The following ADGRB3 variants were observed in gnomAD, a reference collection of about 807,000 sequenced individuals.
The protein encoded by ADGRB3 is adhesion G protein-coupled receptor B3.
In ADGRB3, 37 loss-of-function variants were observed where a neutral mutation model predicts 193.4. That is an observed-to-expected ratio of 0.19 (90% confidence interval 0.15 to 0.25). ADGRB3 has a LOEUF of 0.25. Among genes scored for constraint, ADGRB3 ranks in the 10% least tolerant of loss-of-function variants. The pLI is 1.00. For synonymous variants in ADGRB3, 690 were observed against 644.2 expected, an observed-to-expected ratio of 1.07 and a Z score of -1.08; for missense variants, 1,637 against 1,852.9, an observed-to-expected ratio of 0.88 and a Z score of 2.14.
intron 3 of ADGRB3, among the ~76,000 whole-genome samples, chr6:68,888,274 T>C (rs551498438): frequency 1.3e-5 from 2 of 152,294 alleles, no homozygotes; most frequent in East Asian, 3.9e-4. Flanking sequence ...CAGTGACTTA[T>C]TAATGCAGTT....
intron 6 of ADGRB3, among the ~76,000 whole-genome samples, chr6:68,951,440 T>C (rs1321357630): frequency 6.6e-6 from 1 of 152,118 alleles, no homozygotes. Context: ...CTCTGGTTTA[T>C]TCATTTACTC....
intron 8 of ADGRB3, among the ~76,000 whole-genome samples, chr6:68,966,633 A>G (rs1237178562): frequency 6.6e-6 from 1 of 151,570 alleles, no homozygotes. Context: ...CCACTGACAC[A>G]CTCTTCCCTA....
intron 3 of ADGRB3, among the ~76,000 whole-genome samples, chr6:68,760,215 A>T (rs1766371683): frequency 6.6e-6 from 1 of 152,142 alleles, no homozygotes; most frequent in Non-Finnish European, 1.5e-5. Flanking sequence ...GATGGAGGTA[A>T]ACATTTAGAA....
chr6:68,643,098 T>A (rs1240274004), intron 3 of ADGRB3, among the ~76,000 whole-genome samples: 1 of 152,202 alleles, frequency 6.6e-6, no homozygotes, highest in Non-Finnish European at 1.5e-5. Flanking sequence ...GGAATCTTTG[T>A]TTCTTACTGA....
At chr6:69,372,158 T>G (rs1005341299) in intron 29 of ADGRB3, among the ~76,000 whole-genome samples, 5 of 152,058 alleles carry the variant, frequency 3.3e-5, no homozygotes, top group African/African-American at 9.7e-5. Flanking sequence ...ATGAGAAATA[T>G]TCTGTATTTT....
intron 3 of ADGRB3, among the ~76,000 whole-genome samples, chr6:68,866,711 G>A (rs1356489177): frequency 6.6e-6 from 1 of 152,162 alleles, no homozygotes; most frequent in Non-Finnish European, 1.5e-5. Context: ...GACTGAGATA[G>A]TCTCAGATGG....
chr6:68,677,953 T>G (rs1039403900), intron 3 of ADGRB3, among the ~76,000 whole-genome samples: 6 of 151,966 alleles, frequency 3.9e-5, no homozygotes, highest in Non-Finnish European at 8.8e-5. Flanking sequence ...ATTCATGAAT[T>G]TTTTTTTAAT....
chr6:69,309,991 T>C (rs1768149903), intron 20 of ADGRB3, among the ~76,000 whole-genome samples: 1 of 151,828 alleles, frequency 6.6e-6, no homozygotes, highest in Middle Eastern at 3.4e-3. Context: ...TTCCTCAACC[T>C]TGGCCCAGAT....
intron 20 of ADGRB3, among the ~76,000 whole-genome samples, chr6:69,281,800 T>C (rs1315760974): frequency 2.0e-5 from 3 of 152,170 alleles, no homozygotes; most frequent in Admixed American, 6.5e-5. Context: ...TGAAATTACA[T>C]AATAGATAGC....
intron 3 of ADGRB3, among the ~76,000 whole-genome samples, chr6:68,711,191 CTTAT>C (rs1175075517): frequency 6.6e-6 from 1 of 152,026 alleles, no homozygotes; most frequent in East Asian, 1.9e-4. Context: ...AAGCCAAGAC[CTTAT>C]TTCTTTTCTC....
At chr6:69,312,783 T>C (rs1167352672) in intron 20 of ADGRB3, among the ~76,000 whole-genome samples, 1 of 151,748 alleles carries the variant, frequency 6.6e-6, no homozygotes, top group African/African-American at 2.4e-5. Flanking sequence ...AGTATATTAG[T>C]TCTAATATCA....
intron 13 of ADGRB3, among the ~76,000 whole-genome samples, chr6:69,043,722 A>G (rs1005852274): frequency 6.6e-6 from 1 of 152,218 alleles, no homozygotes; most frequent in Admixed American, 6.5e-5. Context: ...AGTGAGGTAG[A>G]TAGATAATAT....
intron 4 of ADGRB3, among the ~76,000 whole-genome samples, chr6:68,931,317 A>G (rs908732778): frequency 6.6e-6 from 1 of 152,098 alleles, no homozygotes; most frequent in African/African-American, 2.4e-5. Flanking sequence ...CTCCAAATAT[A>G]TCTGTAAATA....
chr6:68,986,957 C>T (rs1291026666), intron 10 of ADGRB3, among the ~76,000 whole-genome samples: 1 of 152,030 alleles, frequency 6.6e-6, no homozygotes, highest in Non-Finnish European at 1.5e-5. Context: ...TAAACCATGA[C>T]CCTCTCCACA....
intron 13 of ADGRB3, among the ~76,000 whole-genome samples, chr6:69,029,190 G>A (rs534618548): frequency 6.6e-6 from 1 of 152,150 alleles, no homozygotes; most frequent in South Asian, 2.1e-4. Context: ...ATACTCATCT[G>A]TTCTATATTT....
chr6:68,713,732 C>T (rs1176255162), intron 3 of ADGRB3, among the ~76,000 whole-genome samples: 2 of 151,502 alleles, frequency 1.3e-5, no homozygotes, highest in Non-Finnish European at 3.0e-5. Context: ...AGTATAACTC[C>T]TCTCCTTTCA....
At chr6:68,911,510 TGA>T (rs1766709603) in intron 3 of ADGRB3, among the ~76,000 whole-genome samples, 1 of 152,144 alleles carries the variant, frequency 6.6e-6, no homozygotes, top group Non-Finnish European at 1.5e-5. Flanking sequence ...AAATTCAGTG[TGA>T]TGCTCTGGAT....
At chr6:69,284,963 G>C (rs1042579583) in intron 20 of ADGRB3, among the ~76,000 whole-genome samples, 2 of 152,086 alleles carry the variant, frequency 1.3e-5, no homozygotes, top group Non-Finnish European at 2.9e-5. Context: ...AGAGAAAAAA[G>C]CATTAGGAAT....
At chr6:68,678,693 C>T (rs1374884380) in intron 3 of ADGRB3, among the ~76,000 whole-genome samples, 1 of 152,008 alleles carries the variant, frequency 6.6e-6, no homozygotes, top group East Asian at 1.9e-4. Context: ...GCCAGTTTTG[C>T]ATCTATTTGT....
Sources: allele counts gnomAD v4.1 joint callset (sites outside exome capture counted in the v4.1 genomes callset), GRCh38; gene constraint gnomAD v4.1.1; transcripts MANE v1.5; gene names NCBI Gene and HGNC (gene_info 2026-07-23, HGNC 2026-07-21).